Variants in CTBP2 observed in about 807,000 individuals in gnomAD.
CTBP2 encodes the protein C-terminal-binding protein 2.
A neutral mutation model predicts 80.3 loss-of-function variants in CTBP2; 30 were observed. The observed-to-expected ratio is 0.37, with a 90% CI of 0.28 to 0.51. The LOEUF (loss-of-function observed/expected upper bound fraction) is 0.51, where lower values mean the gene tolerates loss of function less well. Ranked by LOEUF, CTBP2 falls within the 20% of genes least tolerant of loss-of-function variation. CTBP2 has a pLI of 0.93. For missense variants in CTBP2, 1,212 were observed against 1,375.3 expected, an observed-to-expected ratio of 0.88 and a Z score of 1.88; for synonymous variants, 594 against 587.4, an observed-to-expected ratio of 1.01 and a Z score of -0.16.
At chr10:125,119,844 C>G (rs925587565) in intron 1 of CTBP2, among the ~76,000 whole-genome samples, 1 of 152,214 alleles carries the variant, frequency 6.6e-6, no homozygotes, top group African/African-American at 2.4e-5. Flanking sequence ...CAGGAGGGCT[C>G]TGAAGCTGGG....
rs892454613 is a variant in CTBP2, at chr10:125,069,338, C to T, written c.-101-30183G>A. 3.3e-5 allele frequency among the ~76,000 whole-genome samples: 5 copies of T among 152,334 alleles called. No homozygotes were observed. The South Asian group carries it at 1.0e-3, about 32-fold the overall frequency. On this transcript the variant is annotated intron_variant, in intron 2 of 10. Coordinates refer to the CTBP2 transcript ENST00000337195. ...AAACACACAAAAATACTGCCTATGG[C>T]CAAGTGCGGTGGCTCACACCCGTTA...
intron 2 of CTBP2, among the ~76,000 whole-genome samples, chr10:125,045,013 C>T (rs1305706014): frequency 6.6e-6 from 1 of 152,100 alleles, no homozygotes; most frequent in Non-Finnish European, 1.5e-5. Context: ...TGCTTGTGTA[C>T]CCTAAAATTC....
chr10:125,088,532 G>C (rs925085524), intron 2 of CTBP2, among the ~76,000 whole-genome samples: 2 of 152,248 alleles, frequency 1.3e-5, no homozygotes, highest in Non-Finnish European at 2.9e-5. Context: ...CAGCCTCAGA[G>C]CATGCCATTT....
intron 2 of CTBP2, among the ~76,000 whole-genome samples, chr10:125,065,543 A>G (rs1244034180): frequency 6.6e-6 from 1 of 152,234 alleles, no homozygotes; most frequent in Middle Eastern, 3.4e-3. Flanking sequence ...GGAAATACCA[A>G]GTCCACATCC....
At chr10:125,098,696 G>GAC (rs1850027999) in intron 2 of CTBP2, among the ~76,000 whole-genome samples, 8 of 125,358 alleles carry the variant, frequency 6.4e-5, no homozygotes, top group South Asian at 2.7e-4. Flanking sequence ...GAGAGAGAGA[G>GAC]AGAGAGAGAG....
chr10:125,161,161 A>C (rs1269712193), upstream of CTBP2: 1 of 150,772 alleles, frequency 6.6e-6, no homozygotes, highest in Non-Finnish European at 1.5e-5. Flanking sequence ...TCCTCACTAC[A>C]AATCGGCTCT....
Position 124,984,613 on chromosome 10 carries a change from C to G in CTBP2, c.*4905G>C. On this transcript the variant is annotated 3_prime_UTR_variant, in exon 9 of 9. Coordinates refer to ENST00000309035, the MANE Select transcript of CTBP2 (RefSeq NM_022802.3). ...TTAAATTTAACCAGAGCAAACTGGACTTTAATCACAAAACTTCCAAGAGGT... is the reference window on the plus strand; with the variant it reads ...TTAAATTTAACCAGAGCAAACTGGAGTTTAATCACAAAACTTCCAAGAGGT... 4 of 677,000 alleles carry G rather than the reference C, an allele frequency of 5.9e-6. No individual in the cohort carries two copies. The highest frequency in any genetic ancestry group is 9.6e-6 in the Non-Finnish European group (4 of 417,090). The allele number at this position is 677,000 out of a possible 1,614,324, so 41.9% of individuals were successfully genotyped here.
intron 1 of CTBP2, among the ~76,000 whole-genome samples, chr10:125,011,916 C>T (rs935621928): frequency 6.6e-6 from 1 of 152,256 alleles, no homozygotes; most frequent in Non-Finnish European, 1.5e-5. Context: ...TGTTCAGGCT[C>T]CGTCACCTTC....
chr10:125,007,759 T>G (rs528569642), intron 1 of CTBP2, among the ~76,000 whole-genome samples: 20 of 152,288 alleles, frequency 1.3e-4, no homozygotes, highest in Admixed American at 2.6e-4. Context: ...TCCTAGACAC[T>G]GTGTGAGCTA....
chr10:124,993,350 C>CA, intron 6 of CTBP2, 21 bp from the exon 9 acceptor site: 2 of 1,602,756 alleles, frequency 1.2e-6, no homozygotes, highest in Non-Finnish European at 1.7e-6. Flanking sequence ...GTAGAAAAAA[C>CA]AGAGTAAGCG....
In CTBP2 at chr10:125,042,575, C is replaced by T. The variant is rs139571027; in HGVS notation, c.-101-3420G>A. On this transcript the variant is annotated intron_variant, in intron 2 of 10. Transcript: ENST00000337195. ...TGGGTGGAGGGAGTTCTAGACCCCACTCGTGGAATGAGCTTGGATGAGCTG... is the reference window on the plus strand; with the variant it reads ...TGGGTGGAGGGAGTTCTAGACCCCATTCGTGGAATGAGCTTGGATGAGCTG... Among the ~76,000 whole-genome samples the T allele has an allele frequency of 6.6e-5, 10 of 152,340 alleles. No homozygotes were observed. In the East Asian group the frequency reaches 1.9e-3, roughly 29 times the overall value.
rs59284647 is a variant in CTBP2, at chr10:125,036,668, GGTGTGTGTGTGTGTGTGTGTGT to G, written c.58+2307_58+2328del. Among the ~76,000 whole-genome samples the G allele has an allele frequency of 4.2e-4, 50 of 119,350 alleles. 1 individual carries two copies. In the South Asian group the frequency reaches 9.4e-3, roughly 22 times the overall value. 78.3% of individuals were successfully genotyped at this position (119,350 alleles called of 152,430 possible). A position where few individuals can be genotyped will look rare whatever the true frequency, so the allele number is the denominator to read the frequency against. ...ATGGTGAGAATTCAAAGCTAGAGGG[GGTGTGTGTGTGTGTGTGTGTGT>G]GTGTGTGTGTGTGTGTGTGTGTGTG... is the stretch of plus-strand genomic sequence containing the variant. On this transcript the variant is annotated intron_variant, in intron 3 of 10. Transcript: ENST00000337195.
rs931110205 is a variant in CTBP2, at chr10:125,026,120, G to A, written c.1640C>T (p.Ala547Val). The A allele has an allele frequency of 6.3e-7, 1 of 1,588,818 alleles. No homozygotes were observed. Among genetic ancestry groups the A allele is most frequent in the Non-Finnish European group, 8.6e-7 (1 of 1,163,934 alleles). The change falls in exon 1 of 9, where the codon GCA becomes GTA. Residue 547 changes from alanine (A) to valine (V), a missense_variant. Transcript: ENST00000309035. ...AAGCATGGTGGACACGATGATGGGT[G>A]CCCCTGTGCGCCGGGCCACCTTCTG...
upstream of CTBP2, among the ~76,000 whole-genome samples, chr10:125,030,393 T>C (rs1303331667): frequency 1.3e-5 from 2 of 152,188 alleles, no homozygotes; most frequent in Non-Finnish European, 2.9e-5. Context: ...GAAGTCCCTG[T>C]GCGACACAAG....
intron 8 of CTBP2, 45 bp downstream of exon 10, chr10:124,992,650 G>GC (rs3217482): frequency 4.9e-6 from 7 of 1,435,460 alleles, no homozygotes; most frequent in East Asian, 4.8e-5. Flanking sequence ...TGGCCCCGGG[G>GC]CCGTGGTGCT....
intron 2 of CTBP2, among the ~76,000 whole-genome samples, chr10:125,057,653 C>G (rs1964218012): frequency 6.6e-6 from 1 of 152,196 alleles, no homozygotes; most frequent in African/African-American, 2.4e-5. Context: ...ATAAATCCAT[C>G]ATCACAAAAA....
intron 1 of CTBP2, among the ~76,000 whole-genome samples, chr10:125,153,395 A>T (rs1860351211): frequency 1.3e-5 from 2 of 152,250 alleles, no homozygotes; most frequent in Admixed American, 1.3e-4. Context: ...GGACCTGAAC[A>T]AGCAGCGGAT....
intron 2 of CTBP2, among the ~76,000 whole-genome samples, chr10:125,087,186 C>G (rs1215861580): frequency 6.6e-6 from 1 of 151,696 alleles, no homozygotes; most frequent in Admixed American, 6.6e-5. Context: ...GCGAGTCTCC[C>G]GCCTCAGCCT....
chr10:125,134,398 C>G (rs989653437), intron 1 of CTBP2, among the ~76,000 whole-genome samples: 1 of 152,264 alleles, frequency 6.6e-6, no homozygotes, highest in Non-Finnish European at 1.5e-5. Flanking sequence ...AAAGGAAGGT[C>G]CATGACTCTG....
Sources: allele counts gnomAD v4.1 joint callset (sites outside exome capture counted in the v4.1 genomes callset), GRCh38; gene constraint gnomAD v4.1.1; transcripts MANE v1.5; gene names NCBI Gene and HGNC (gene_info 2026-07-23, HGNC 2026-07-21).